GNG12: variants seen among roughly 807,000 people sequenced by gnomAD.
GNG12 encodes guanine nucleotide-binding protein G(I)/G(S)/G(O) subunit gamma-12.
For synonymous variants in GNG12, 28 were observed against 29.7 expected (o/e 0.94, Z 0.19); for missense variants, 69 against 83.8 (o/e 0.82, Z 0.69).
At chr1:67,777,568 G>A (rs904687781) in intron 1 of GNG12, 61 bp from the exon 2 acceptor site, 3 of 261,300 alleles carry the variant, frequency 1.1e-5, no homozygotes, top group African/African-American at 2.3e-5. Flanking sequence ...GTGTGCTTTC[G>A]ATCCCAAGTG....
At chr1:67,725,773 C>G (rs1646381529) in intron 2 of GNG12, among the ~76,000 whole-genome samples, 3 of 152,158 alleles carry the variant, frequency 2.0e-5, no homozygotes, top group Admixed American at 2.0e-4. Context: ...TACTTTAGTT[C>G]ACTGAGTTTT....
intron 2 of GNG12, among the ~76,000 whole-genome samples, chr1:67,735,133 G>A (rs1015431383): frequency 1.3e-5 from 2 of 152,154 alleles, no homozygotes; most frequent in Non-Finnish European, 2.9e-5. Context: ...TGGGATTACA[G>A]GCATGAGCCA....
At chr1:67,806,121 T>C (rs1245533274) in intron 1 of GNG12, among the ~76,000 whole-genome samples, 1 of 151,902 alleles carries the variant, frequency 6.6e-6, no homozygotes. Flanking sequence ...CCAGTAGACC[T>C]GCCTTGTAAG....
intron 1 of GNG12, among the ~76,000 whole-genome samples, chr1:67,828,166 G>A (rs989822968): frequency 9.2e-5 from 14 of 152,126 alleles, no homozygotes; most frequent in Non-Finnish European, 1.5e-4. Context: ...CCAAGGACTG[G>A]GCCTTTGTGT....
intron 2 of GNG12, among the ~76,000 whole-genome samples, chr1:67,742,870 T>C (rs1328363320): frequency 6.6e-6 from 1 of 152,004 alleles, no homozygotes; most frequent in Admixed American, 6.6e-5. Context: ...AAACTAGTGG[T>C]TTTATGGATG....
chr1:67,787,868 T>A (rs933725099), intron 1 of GNG12, among the ~76,000 whole-genome samples: 1 of 152,204 alleles, frequency 6.6e-6, no homozygotes, highest in Non-Finnish European at 1.5e-5. Context: ...AAAAACCAAC[T>A]CATCTTGCTT....
chr1:67,788,327 ATTTGT>A lies in GNG12; in HGVS notation c.-76-10825_-76-10821del, dbSNP rs201675081. Among the ~76,000 whole-genome samples, 12 of 151,598 alleles carry A rather than the reference ATTTGT, an allele frequency of 7.9e-5. No individual in the cohort carries two copies. The South Asian group carries it at 1.0e-3, about 13-fold the overall frequency. On this transcript the variant is annotated intron_variant, in intron 1 of 3. Coordinates refer to ENST00000370982, the MANE Select transcript of GNG12 (RefSeq NM_018841.6). Reference sequence around the variant, plus strand: ...ATATCTTTCAGCTTTAACTTTTTTGATTTGTTTTGTTTTGTTTTGTTTTGAGACAG... The same window carrying A: ...ATATCTTTCAGCTTTAACTTTTTTGATTTGTTTTGTTTTGTTTTGAGACAG...
At chr1:67,803,373 T>A (rs940354412) in intron 1 of GNG12, among the ~76,000 whole-genome samples, 11 of 152,030 alleles carry the variant, frequency 7.2e-5, no homozygotes, top group Middle Eastern at 6.3e-3. Flanking sequence ...AAATTTTTTT[T>A]AAGTTAATTT....
At chr1:67,722,993 A>G (rs1646364618) in intron 2 of GNG12, among the ~76,000 whole-genome samples, 1 of 152,200 alleles carries the variant, frequency 6.6e-6, no homozygotes, top group South Asian at 2.1e-4. Context: ...ACAGGACTGT[A>G]ATGATTAAAT....
chr1:67,744,297 T>C (rs1266790363), intron 2 of GNG12, among the ~76,000 whole-genome samples: 1 of 152,158 alleles, frequency 6.6e-6, no homozygotes, highest in Non-Finnish European at 1.5e-5. Flanking sequence ...TAAATGCTGG[T>C]TCCCCGGGTG....
At chr1:67,794,984 A>G (rs114968069) in intron 1 of GNG12, among the ~76,000 whole-genome samples, 1 of 152,302 alleles carries the variant, frequency 6.6e-6, no homozygotes, top group Non-Finnish European at 1.5e-5. Flanking sequence ...AACAACCCAA[A>G]GTACAGAAAA....
At position 67,720,408 on chromosome 1, in the gene GNG12, C is replaced by T. The variant is rs867836957; in HGVS notation, c.-26-12696G>A. On this transcript the variant is annotated intron_variant, in intron 2 of 3. Transcript: ENST00000370982. Reference sequence around the variant, plus strand: ...TGTTTACAGTCAACACTAAGAATGACGTTTACAAACAAGTTTTACTCTCTA... The same window carrying T: ...TGTTTACAGTCAACACTAAGAATGATGTTTACAAACAAGTTTTACTCTCTA... Among the ~76,000 whole-genome samples the T allele has an allele frequency of 1.3e-4, 20 of 152,292 alleles. No individual in the cohort carries two copies. In the East Asian group the frequency reaches 1.3e-3, roughly 10 times the overall value.
intron 1 of GNG12, among the ~76,000 whole-genome samples, chr1:67,812,199 C>T (rs926971458): frequency 1.3e-5 from 2 of 152,200 alleles, no homozygotes; most frequent in Non-Finnish European, 2.9e-5. Flanking sequence ...ATTTTCTCTA[C>T]TCTGGCAATG....
chr1:67,723,721 G>A (rs551550404), intron 2 of GNG12, among the ~76,000 whole-genome samples: 1 of 152,312 alleles, frequency 6.6e-6, no homozygotes, highest in Admixed American at 6.5e-5. Context: ...ACACGGCCAA[G>A]GTCAGAAAGA....
At chr1:67,710,168 ATATATATATAGT>A (rs1557592385) in intron 2 of GNG12, among the ~76,000 whole-genome samples, 3 of 24,102 alleles carry the variant, frequency 1.2e-4, no homozygotes, top group African/African-American at 5.6e-4. Context: ...ATATATAGTT[ATATATATATAGT>A]TATATATATA....
At chr1:67,752,385 T>C (rs769154042) in intron 2 of GNG12, among the ~76,000 whole-genome samples, 1 of 152,218 alleles carries the variant, frequency 6.6e-6, no homozygotes, top group African/African-American at 2.4e-5. Context: ...TTTTGAAAGT[T>C]TACTTTGTTT....
chr1:67,766,378 A>C (rs796411794), intron 2 of GNG12, among the ~76,000 whole-genome samples: 20 of 137,730 alleles, frequency 1.5e-4, no homozygotes, highest in African/African-American at 5.0e-4. Flanking sequence ...TCACATACAA[A>C]GGGGTCTTTC....
intron 1 of GNG12, among the ~76,000 whole-genome samples, chr1:67,821,252 T>C (rs1646983096): frequency 6.6e-6 from 1 of 152,140 alleles, no homozygotes; most frequent in Non-Finnish European, 1.5e-5. Flanking sequence ...GAGAGTACCC[T>C]ATAGGTGGGC....
At chr1:67,716,229 C>T (rs1374216787) in intron 2 of GNG12, among the ~76,000 whole-genome samples, 1 of 152,150 alleles carries the variant, frequency 6.6e-6, no homozygotes, top group Non-Finnish European at 1.5e-5. Flanking sequence ...AGAATGAGAA[C>T]ACCTCTCTCT....
Sources: allele counts gnomAD v4.1 joint callset (sites outside exome capture counted in the v4.1 genomes callset), GRCh38; gene constraint gnomAD v4.1.1; transcripts MANE v1.5; gene names NCBI Gene and HGNC (gene_info 2026-07-23, HGNC 2026-07-21).